The following SALL3 variants were observed in gnomAD, a reference collection of about 807,000 sequenced individuals.
SALL3 encodes the protein spalt like transcription factor 3, also known as sal-like protein 3.
In SALL3, 25 loss-of-function variants were observed where a neutral mutation model predicts 66.2. That is an observed-to-expected ratio of 0.38 (90% CI 0.28 to 0.53). The LOEUF is 0.53. Among genes scored for constraint, SALL3 ranks in the 20% least tolerant of loss-of-function variants. The probability of loss-of-function intolerance (pLI) is 0.85; values close to 1 mark genes in which losing one functional copy is unlikely to be tolerated. For synonymous variants in SALL3, 1,152 were observed against 899.1 expected (o/e 1.28, Z -5.03); for missense variants, 2,194 against 1,916.5 (o/e 1.14, Z -2.70).
At chr18:78,981,877 GAGAA>G (rs1349345007) in intron 1 of SALL3, among the ~76,000 whole-genome samples, 3 of 152,138 alleles carry the variant, frequency 2.0e-5, no homozygotes, top group Admixed American at 6.5e-5. Flanking sequence ...TCTGCCGAAT[GAGAA>G]AGACAGTCTT....
Position 78,992,233 on chromosome 18 carries a change from T to A in SALL3, c.242T>A (p.Ile81Asn). The change falls in exon 2 of 3, where the codon ATC becomes AAC. Residue 81 changes from isoleucine to asparagine, a missense_variant. Ile to Asn is a moderately radical substitution (Grantham distance 149, BLOSUM62 -3). Coordinates refer to ENST00000537592, the MANE Select transcript of SALL3 (RefSeq NM_171999.4). ...TGCACCAAGCTCCCGCCCGTGCTGATCGTGCACGAGGACGCGCCCGCGCCG... is the reference window on the plus strand; with the variant it reads ...TGCACCAAGCTCCCGCCCGTGCTGAACGTGCACGAGGACGCGCCCGCGCCG... Reference protein sequence around the residue: ...RSCTKLPPVLIVHEDAPAPPP... With the variant: ...RSCTKLPPVLNVHEDAPAPPP... The A allele has an allele frequency of 6.2e-7, 1 of 1,602,334 alleles. No individual in the cohort carries two copies.
Position 78,995,009 on chromosome 18 carries a change from C to T in SALL3, c.3018C>T (p.Val1006=), listed in dbSNP as rs1914635928. ...GCCATACTAAGGAGCGGCCATTCGT[C>T]TGCGCGCTCTGCAGGCGAGGGTGCT... ...YRSHTKERPF[V]CALCRRGCST... Residue 1006 remains valine (V), a synonymous_variant, in exon 2 of 3, where the codon GTC becomes GTT. Transcript: ENST00000537592. 1.9e-6 allele frequency: 3 copies of T among 1,613,792 alleles called. No individual in the cohort carries two copies. The highest frequency in any genetic ancestry group is 2.7e-5 in the African/African-American group (2 of 74,946).
At chr18:78,996,489 CAG>C (rs1255207857) in intron 2 of SALL3, among the ~76,000 whole-genome samples, 9 of 152,168 alleles carry the variant, frequency 5.9e-5, no homozygotes, top group Non-Finnish European at 1.0e-4. Context: ...GGGGCACAGT[CAG>C]AGAGTCCCAG....
In SALL3 at chr18:78,980,373, C is replaced by G; in HGVS notation, c.82+17C>G. Reference sequence around the variant, plus strand: ...CCGAGCACGGTGAGGGCCGGGGCTGCGGGGTGGCCGGGGGGTCTGGGGCTG... The same window carrying G: ...CCGAGCACGGTGAGGGCCGGGGCTGGGGGGTGGCCGGGGGGTCTGGGGCTG... On this transcript the variant is annotated intron_variant, in intron 1 of 2. Transcript: ENST00000537592. 1 of 1,388,872 alleles carries G rather than the reference C, an allele frequency of 7.2e-7. No homozygotes were observed. Among genetic ancestry groups the G allele is most frequent in the Non-Finnish European group, 9.4e-7 (1 of 1,060,732 alleles). The allele number at this position is 1,388,872 out of a possible 1,614,324, so 86.0% of individuals were successfully genotyped here. A position where few individuals can be genotyped will look rare whatever the true frequency, so the allele number is the denominator to read the frequency against.
Position 78,995,287 on chromosome 18 carries a change from C to A in SALL3, c.3296C>A (p.Ala1099Glu), listed in dbSNP as rs752632478. The A allele has an allele frequency of 1.3e-6, 2 of 1,581,814 alleles. No individual in the cohort carries two copies. The highest frequency in any genetic ancestry group is 1.7e-6 in the Non-Finnish European group (2 of 1,169,416). Residue 1099 changes from alanine to glutamate, a missense_variant, in exon 2 of 3, where the codon GCG becomes GAG. Transcript: ENST00000537592. The stretch of plus-strand genomic sequence containing the variant: ...CAGACAGTGATGGGCCCGGGCCTGG[C>A]GCCCATGCTGGCCCCCCCACCGCGC... ...GPQTVMGPGL[A>E]PMLAPPPRRT...
In SALL3 at chr18:78,996,885, G is replaced by A. The variant is rs373377315; in HGVS notation, c.3472-6G>A. On this transcript the variant is annotated splice_region_variant and splice_polypyrimidine_tract_variant and intron_variant, in intron 2 of 2. Transcript: ENST00000537592. ...TACTCGTGGGCTGTCTCCGTGTCTC[G>A]CGCAGGTGCACATGGGGACACACAT... 24 of 1,600,030 alleles carry A rather than the reference G, an allele frequency of 1.5e-5. No individual in the cohort carries two copies. The highest frequency in any genetic ancestry group is 7.8e-5 in the South Asian group (7 of 90,144).
chr18:78,990,149 A>C (rs995117938), intron 1 of SALL3, among the ~76,000 whole-genome samples: 2 of 152,158 alleles, frequency 1.3e-5, no homozygotes, highest in Non-Finnish European at 2.9e-5. Flanking sequence ...GAGTACTTGG[A>C]GTATTTATTT....
intron 1 of SALL3, 32 bp downstream of exon 1, chr18:78,980,388 G>A (rs1225333550): frequency 2.2e-5 from 29 of 1,316,846 alleles, no homozygotes; most frequent in Non-Finnish European, 2.7e-5. Flanking sequence ...TGGCCGGGGG[G>A]TCTGGGGCTG....
intron 1 of SALL3, among the ~76,000 whole-genome samples, chr18:78,989,686 C>G (rs1289155189): frequency 6.6e-6 from 1 of 152,202 alleles, no homozygotes; most frequent in Non-Finnish European, 1.5e-5. Flanking sequence ...ATTTTATCTC[C>G]TGTAAGGAGT....
Position 78,980,434 on chromosome 18 carries a change from G to A in SALL3, c.82+78G>A. On this transcript the variant is annotated intron_variant, in intron 1 of 2. Transcript: ENST00000537592. ...CTGGGGAAGCGCGTGCGGCGGGAGC[G>A]GATGCGCGCGTCCGGGAGCGGGAGA... 3 of 876,964 alleles carry A rather than the reference G, an allele frequency of 3.4e-6. No individual in the cohort carries two copies. In the South Asian group the frequency reaches 1.1e-4, roughly 31 times the overall value. 54.3% of individuals were successfully genotyped at this position (876,964 alleles called of 1,614,324 possible).
rs201990250 is a variant in SALL3 at position 78,981,767 on chromosome 18, A to AT, written c.82+1420dup. Reference sequence around the variant, plus strand: ...AAGAATCTTTTTGTCATGGAAATGGATTTTTTTTTGTTTTGTTTACTTCAT... The same window carrying AT: ...AAGAATCTTTTTGTCATGGAAATGGATTTTTTTTTTGTTTTGTTTACTTCAT... On this transcript the variant is annotated intron_variant, in intron 1 of 2. Coordinates refer to ENST00000537592, the MANE Select transcript of SALL3 (RefSeq NM_171999.4). Among the ~76,000 whole-genome samples, 753 of 151,692 alleles carry AT rather than the reference A, an allele frequency of 5.0e-3. 3 individuals are homozygous for AT. Among genetic ancestry groups the AT allele is most frequent in the Non-Finnish European group, 7.7e-3 (522 of 67,880 alleles).
rs1231814642 is a variant in SALL3 at position 78,994,499 on chromosome 18, C to G, written c.2508C>G (p.Val836=). 1.8e-6 allele frequency: 2 copies of G among 1,102,666 alleles called. No homozygotes were observed. 68.3% of individuals were successfully genotyped at this position (1,102,666 alleles called of 1,614,324 possible). ...AGSCPPSPPS[V]ISSIAALENQ... ...CCTGCCCGCCCTCCCCGCCCTCGGT[C>G]ATCTCCAGCATTGCCGCCCTGGAGA... Residue 836 remains valine (V), a synonymous_variant, in exon 2 of 3, where the codon GTC becomes GTG. Transcript: ENST00000537592.
intron 1 of SALL3, among the ~76,000 whole-genome samples, 192 bp downstream of exon 1, chr18:78,980,548 CGA>C (rs200575869): frequency 0.034 from 5,186 of 151,854 alleles, 127 homozygotes; most frequent in Non-Finnish European, 0.049. Flanking sequence ...GCGCGGCCGC[CGA>C]GAGAGTTGTG....
Position 78,993,053 on chromosome 18 carries a change from G to A in SALL3, c.1062G>A (p.Ala354=), listed in dbSNP as rs767552435. The A allele has an allele frequency of 2.5e-6, 4 of 1,584,536 alleles. No individual in the cohort carries two copies. The highest frequency in any genetic ancestry group is 3.4e-5 in the Admixed American group (2 of 58,598). Reference sequence around the variant, plus strand: ...TGGCCCCGGGGTCCCTGCTGGGTGCGGCGCCCGGCCTGCCAAGTCCGCTTC... The same window carrying A: ...TGGCCCCGGGGTCCCTGCTGGGTGCAGCGCCCGGCCTGCCAAGTCCGCTTC... ...PALAPGSLLG[A]APGLPSPLLP... Residue 354 remains alanine, a synonymous_variant, in exon 2 of 3, where the codon GCG becomes GCA. Coordinates refer to ENST00000537592, the MANE Select transcript of SALL3 (RefSeq NM_171999.4).
chr18:78,980,489 C>T (rs1358155501), intron 1 of SALL3, 133 bp downstream of exon 1: 5 of 477,422 alleles, frequency 1.0e-5, no homozygotes, highest in Non-Finnish European at 1.5e-5. Flanking sequence ...GGCAAGCGTC[C>T]GCCCCGCGCC....
chr18:78,987,791 G>A (rs748646816), intron 1 of SALL3, among the ~76,000 whole-genome samples: 10 of 152,092 alleles, frequency 6.6e-5, no homozygotes, highest in Admixed American at 1.3e-4. Flanking sequence ...AAGAGTGTTC[G>A]CTAAGTTCTG....
At position 78,993,491 on chromosome 18, in the gene SALL3, C is replaced by T. The variant is rs7233194; in HGVS notation, c.1500C>T (p.Gly500=). Residue 500 remains glycine, a synonymous_variant, in exon 2 of 3, where the codon GGC becomes GGT. Coordinates refer to ENST00000537592, the MANE Select transcript of SALL3 (RefSeq NM_171999.4). ...CCACCTGCTCGGGCATCCCCTACGG[C>T]ATGTCGCTGCCCCCCGAGAAGCCCG... ...NVPTCSGIPY[G]MSLPPEKPVT... 0.035 allele frequency: 56,473 copies of T among 1,610,304 alleles called. 1,142 individuals are homozygous for T. The highest frequency in any genetic ancestry group is 0.042 in the Non-Finnish European group (49,250 of 1,179,056).
chr18:78,992,421 GCGC>G lies in SALL3; in HGVS notation c.432_434del (p.Pro145del). The G allele has an allele frequency of 3.7e-6, 5 of 1,336,630 alleles. No homozygotes were observed. The highest frequency in any genetic ancestry group is 3.8e-6 in the Non-Finnish European group (4 of 1,052,314). 82.8% of individuals were successfully genotyped at this position (1,336,630 alleles called of 1,614,324 possible). ...CGCGGAACCCGCGGGGGACACGCGC[GCGC>G]CCCGGCCCCCGCCTGCGGCCCCTGC... On this transcript the variant is annotated inframe_deletion, in exon 2 of 3. Coordinates refer to ENST00000537592, the MANE Select transcript of SALL3 (RefSeq NM_171999.4).
At position 78,979,857 on chromosome 18, in the gene SALL3, T is replaced by C. The variant is rs1030667602; in HGVS notation, c.-418T>C. Among the ~76,000 whole-genome samples, 9 of 143,198 alleles carry C rather than the reference T, an allele frequency of 6.3e-5. No individual in the cohort carries two copies. Among genetic ancestry groups the C allele is most frequent in the Non-Finnish European group, 1.4e-4 (9 of 64,812 alleles). The allele number at this position is 143,198 out of a possible 152,430, so 93.9% of individuals were successfully genotyped here. ...GCGGACGCCGCCAAAGTTTGCTGCC[T>C]GCGCCCTGCGGAGGGACGGCCACCG... is the stretch of plus-strand genomic sequence containing the variant. On this transcript the variant is annotated 5_prime_UTR_variant, in exon 1 of 3. Transcript: ENST00000537592.
Sources: gnomAD v4.1 joint callset for allele counts (sites outside exome capture counted in the v4.1 genomes callset) on GRCh38, gnomAD v4.1.1 for gene constraint, MANE v1.5 for transcripts, NCBI Gene and HGNC (gene_info 2026-07-23, HGNC 2026-07-21) for gene names.